IGSF9B: variants seen among roughly 807,000 people sequenced by gnomAD.
IGSF9B encodes the protein protein turtle homolog B.
A neutral mutation model predicts 143.7 loss-of-function variants in IGSF9B; 48 were observed. The ratio of observed to expected loss-of-function variants is 0.33; its 90% CI spans 0.26 to 0.42. IGSF9B has a LOEUF of 0.42. IGSF9B is among the 20% of genes least tolerant of loss of function. The probability of loss-of-function intolerance (pLI) is 1.00; values close to 1 mark genes in which losing one functional copy is unlikely to be tolerated. For synonymous variants in IGSF9B, 903 were observed against 833.1 expected, an observed-to-expected ratio of 1.08 and a Z score of -1.44; for missense variants, 1,706 against 1,980.0, an observed-to-expected ratio of 0.86 and a Z score of 2.63.
Position 133,945,566 on chromosome 11 carries a change from C to G in IGSF9B, c.262+495G>C, listed in dbSNP as rs984546481. 6.6e-6 allele frequency among the ~76,000 whole-genome samples: 1 copy of G among 152,186 alleles called. No homozygotes were observed. Among genetic ancestry groups the G allele is most frequent in the African/African-American group, 2.4e-5 (1 of 41,462 alleles). The stretch of plus-strand genomic sequence containing the variant: ...TTTGCTGGCAGGAGTAACTGCCAAA[C>G]AGGACACAGACGGGGCCAGGAGAAG... On this transcript the variant is annotated intron_variant, in intron 2 of 19. Transcript: ENST00000533871. The surrounding 1 kb of genome is among the most constrained non-coding windows in gnomAD (Gnocchi z 4.6).
Position 133,925,903 on chromosome 11 carries a change from TG to T in IGSF9B, c.1869del (p.Asn624IlefsTer70). On this transcript the variant is annotated frameshift_variant, in exon 14 of 20. Transcript: ENST00000533871. LOFTEE classifies it high-confidence loss of function. Reference protein sequence around the residue: ...VLVTPPRCLIANRTQQGVLLS... With the variant: ...VLVTPPRCLIXNRTQQGVLLS... ...AGGAGCACACCCTGCTGAGTCCGAT[TG>T]GCTATGAGGCACCTCGGTGGGGTGA... 6.2e-7 allele frequency: 1 copy of T among 1,612,364 alleles called. No individual in the cohort carries two copies. Among genetic ancestry groups the T allele is most frequent in the Non-Finnish European group, 8.5e-7 (1 of 1,179,196 alleles).
chr11:133,918,606 G>T (rs939374852), intron 18 of IGSF9B, among the ~76,000 whole-genome samples: 1 of 152,150 alleles, frequency 6.6e-6, no homozygotes, highest in African/African-American at 2.4e-5. Flanking sequence ...GGAGCAGCCC[G>T]CGGTGGGGCT....
Position 133,898,395 on chromosome 11 carries a change from C to T in IGSF9B, c.*10674G>A, listed in dbSNP as rs1387833530. The T allele has an allele frequency of 6.5e-6, 1 of 152,868 alleles. No individual in the cohort carries two copies. The highest frequency in any genetic ancestry group is 1.5e-5 in the Non-Finnish European group (1 of 68,254). 9.5% of individuals were successfully genotyped at this position (152,868 alleles called of 1,614,324 possible). A position where few individuals can be genotyped will look rare whatever the true frequency, so the allele number is the denominator to read the frequency against. On this transcript the variant is annotated 3_prime_UTR_variant, in exon 20 of 20. Transcript: ENST00000533871. ...CACCCTCTGTGTGTCCTCAGACCACCAGGTGAAATGGAGGAAAGAAGCTCA... is the reference window on the plus strand; with the variant it reads ...CACCCTCTGTGTGTCCTCAGACCACTAGGTGAAATGGAGGAAAGAAGCTCA...
At chr11:133,947,877 A>G (rs897859831) in intron 1 of IGSF9B, among the ~76,000 whole-genome samples, 3 of 151,228 alleles carry the variant, frequency 2.0e-5, no homozygotes, top group Admixed American at 6.6e-5. Context: ...CTGTCTGCCT[A>G]TCTGTCCTGC....
intron 3 of IGSF9B, among the ~76,000 whole-genome samples, chr11:133,941,768 G>C (rs1939959214): frequency 1.3e-5 from 2 of 152,168 alleles, no homozygotes; most frequent in Non-Finnish European, 2.9e-5. Context: ...CGTGTTCCCT[G>C]AATGCGCCGC....
chr11:133,930,410 G>C (rs1939700796), intron 11 of IGSF9B, among the ~76,000 whole-genome samples: 1 of 152,208 alleles, frequency 6.6e-6, no homozygotes, highest in South Asian at 2.1e-4. Context: ...AAAACTGGTG[G>C]TAAAGGCTCC....
intron 3 of IGSF9B, 22 bp downstream of exon 3, chr11:133,944,198 C>T: frequency 1.3e-6 from 2 of 1,578,306 alleles, no homozygotes; most frequent in African/African-American, 1.3e-5. Flanking sequence ...GAGGTGGACC[C>T]ACCCTGGAAG....
chr11:133,916,967 G>A (rs192815709), intron 18 of IGSF9B, among the ~76,000 whole-genome samples: 17 of 152,312 alleles, frequency 1.1e-4, no homozygotes, highest in South Asian at 8.3e-4. Flanking sequence ...CAATTCCAGG[G>A]CCTCTGGGCT....
intron 15 of IGSF9B, among the ~76,000 whole-genome samples, chr11:133,924,012 G>A (rs1939584128): frequency 6.6e-6 from 1 of 152,054 alleles, no homozygotes; most frequent in Non-Finnish European, 1.5e-5. Context: ...AGCAGAAATT[G>A]CACTCCACAC....
Position 133,945,971 on chromosome 11 carries a change from T to G in IGSF9B, c.262+90A>C. ...GAGACTGGGAAACAGAGATAAAGAG[T>G]GGTCAGGACAAGGCAGGGGCCAGAG... is the stretch of plus-strand genomic sequence containing the variant. On this transcript the variant is annotated intron_variant, in intron 2 of 19. Transcript: ENST00000533871. This position sits in a 1 kb window ranked among gnomAD's most constrained non-coding sequence, Gnocchi z 4.6. The G allele has an allele frequency of 1.0e-5, 8 of 778,942 alleles. No homozygotes were observed. Among genetic ancestry groups the G allele is most frequent in the East Asian group, 8.7e-5 (3 of 34,494 alleles). The allele number at this position is 778,942 out of a possible 1,614,324, so 48.3% of individuals were successfully genotyped here. A position where few individuals can be genotyped will look rare whatever the true frequency, so the allele number is the denominator to read the frequency against.
rs1328067761 is a variant in IGSF9B, at chr11:133,911,942, C to A, written c.4049G>T (p.Arg1350Leu). ...GGATGACTTTTTGGGCTTCTTTATCCGTTGGTATTTCAGAGCCTCCAGCCT... is the reference window on the plus strand; with the variant it reads ...GGATGACTTTTTGGGCTTCTTTATCAGTTGGTATTTCAGAGCCTCCAGCCT... Reference protein sequence around the residue: ...PERLEALKYQRIKKPKKSSKG... With the variant: ...PERLEALKYQLIKKPKKSSKG... The change falls in exon 19 of 20, where the codon CGG becomes CTG. Residue 1350 changes from arginine to leucine, a missense_variant. Transcript: ENST00000533871. 1.3e-6 allele frequency: 2 copies of A among 1,534,946 alleles called. No individual in the cohort carries two copies. The highest frequency in any genetic ancestry group is 1.2e-5 in the South Asian group (1 of 83,910).
At chr11:133,923,349 C>CTGAA (rs1176112929) in intron 15 of IGSF9B, among the ~76,000 whole-genome samples, 6 of 152,346 alleles carry the variant, frequency 3.9e-5, no homozygotes, top group Non-Finnish European at 7.3e-5. Flanking sequence ...AGGCATGCAA[C>CTGAA]GTCCTGAAGA....
At position 133,919,623 on chromosome 11, in the gene IGSF9B, G is replaced by A. The variant is rs1211215293; in HGVS notation, c.3983+119C>T. ...CAGAACTCCTCTCCGAGGGACGCCGGTGCGGCATGTCCGCACGAGCCCTGT... is the reference window on the plus strand; with the variant it reads ...CAGAACTCCTCTCCGAGGGACGCCGATGCGGCATGTCCGCACGAGCCCTGT... On this transcript the variant is annotated intron_variant, in intron 18 of 19. Coordinates refer to ENST00000533871, the MANE Select transcript of IGSF9B (RefSeq NM_001277285.4). 4.5e-6 allele frequency: 3 copies of A among 669,354 alleles called. No individual in the cohort carries two copies. The Admixed American group carries it at 1.1e-4, about 25-fold the overall frequency. 41.5% of individuals were successfully genotyped at this position (669,354 alleles called of 1,614,324 possible). A position where few individuals can be genotyped will look rare whatever the true frequency, so the allele number is the denominator to read the frequency against.
At position 133,904,365 on chromosome 11, in the gene IGSF9B, C is replaced by A. The variant is rs1057081838; in HGVS notation, c.*4704G>T. On this transcript the variant is annotated 3_prime_UTR_variant, in exon 20 of 20. Transcript: ENST00000533871. ...TTTCTCAGCTTTGGGCCTGAGGAGC[C>A]CCCAAAACAAATGAAGTTGAAATAC... 6.6e-6 allele frequency among the ~76,000 whole-genome samples: 1 copy of A among 152,154 alleles called. No individual in the cohort carries two copies. The highest frequency in any genetic ancestry group is 2.4e-5 in the African/African-American group (1 of 41,414).
Position 133,931,887 on chromosome 11 carries a change from G to C in IGSF9B, c.1111-92C>G. 1 of 1,549,740 alleles carries C rather than the reference G, an allele frequency of 6.5e-7. No individual in the cohort carries two copies. The highest frequency in any genetic ancestry group is 1.2e-5 in the South Asian group (1 of 83,656). Reference sequence around the variant, plus strand: ...TCCCAGCTGGGCCAGGCAGCACGCAGGATAGTACAGGAGCTCCAGCCCGGG... The same window carrying C: ...TCCCAGCTGGGCCAGGCAGCACGCACGATAGTACAGGAGCTCCAGCCCGGG... On this transcript the variant is annotated intron_variant, in intron 8 of 19. Transcript: ENST00000533871. The surrounding 1 kb of genome is among the most constrained non-coding windows in gnomAD (Gnocchi z 7.7).
intron 12 of IGSF9B, 121 bp downstream of exon 12, chr11:133,929,550 C>T: frequency 2.9e-6 from 2 of 691,920 alleles, no homozygotes; most frequent in Admixed American, 4.3e-5. Flanking sequence ...CTGTGCAGGG[C>T]TGGCAGGCCA....
chr11:133,936,230 A>T (rs1181535503), intron 5 of IGSF9B, 36 bp from the exon 6 acceptor site: 1 of 1,589,008 alleles, frequency 6.3e-7, no homozygotes, highest in Non-Finnish European at 8.6e-7. Context: ...ACCTCGCCTG[A>T]TCAGGGACGG....
In IGSF9B at chr11:133,913,069, G is replaced by C. The variant is rs1939325269; in HGVS notation, c.3984-1062C>G. Among the ~76,000 whole-genome samples, 1 of 152,170 alleles carries C rather than the reference G, an allele frequency of 6.6e-6. No individual in the cohort carries two copies. Among genetic ancestry groups the C allele is most frequent in the Non-Finnish European group, 1.5e-5 (1 of 68,040 alleles). On this transcript the variant is annotated intron_variant, in intron 18 of 19. Transcript: ENST00000533871. The surrounding 1 kb of genome is among the most constrained non-coding windows in gnomAD (Gnocchi z 4.6). ...CAAAGTAACCCAACTCGGAGCCTGA[G>C]GAATGAAGGGGAAAGAGAAAAAGAC...
intron 12 of IGSF9B, 83 bp downstream of exon 12, chr11:133,929,588 C>A (rs565406413): frequency 1.1e-5 from 11 of 1,021,864 alleles, no homozygotes; most frequent in Non-Finnish European, 1.5e-5. Flanking sequence ...CTACCTCCCC[C>A]CACCCGGGGT....
Sources: allele counts gnomAD v4.1 joint callset (sites outside exome capture counted in the v4.1 genomes callset), GRCh38; gene constraint gnomAD v4.1.1; non-coding constraint Gnocchi (gnomAD v3.1); transcripts MANE v1.5; gene names NCBI Gene and HGNC (gene_info 2026-07-23, HGNC 2026-07-21).